The following N4BP2 variants were observed in gnomAD, a reference collection of about 807,000 sequenced individuals.
N4BP2 encodes NEDD4 binding protein 2.
In N4BP2, 91 loss-of-function variants were observed where a neutral mutation model predicts 152.8. The ratio of observed to expected loss-of-function variants is 0.60; its 90% CI spans 0.50 to 0.71. N4BP2 has a LOEUF of 0.71. Ranked by LOEUF, N4BP2 falls within the 30% of genes least tolerant of loss-of-function variation. The pLI, the probability that N4BP2 is intolerant of heterozygous loss-of-function variation, is 0.00. For synonymous variants in N4BP2, 646 were observed against 705.3 expected (o/e 0.92, Z 1.33); for missense variants, 1,923 against 2,059.1 (o/e 0.93, Z 1.28).
intron 2 of N4BP2, among the ~76,000 whole-genome samples, chr4:40,083,986 TCTCA>T (rs1560578878): frequency 6.6e-6 from 1 of 152,194 alleles, no homozygotes; most frequent in Non-Finnish European, 1.5e-5. Flanking sequence ...TCAGACGGGG[TCTCA>T]CTCTGTCACC....
chr4:40,123,041 G>A, intron 9 of N4BP2, 86 bp from the exon 10 acceptor site: 1 of 741,976 alleles, frequency 1.3e-6, no homozygotes, highest in South Asian at 1.7e-5. Context: ...AGTTAGTTTT[G>A]TGATGCATAA....
At chr4:40,127,408 T>C (rs1718507852) in intron 12 of N4BP2, among the ~76,000 whole-genome samples, 1 of 151,606 alleles carries the variant, frequency 6.6e-6, no homozygotes, top group Non-Finnish European at 1.5e-5. Context: ...AGAGATGGGG[T>C]CTTGCCATGT....
Position 40,121,318 on chromosome 4 carries a change from A to G in N4BP2, c.3207A>G (p.Arg1069=). 1 of 1,614,010 alleles carries G rather than the reference A, an allele frequency of 6.2e-7. No homozygotes were observed. The highest frequency in any genetic ancestry group is 1.1e-5 in the South Asian group (1 of 91,066). ...ACGTTCAAGAAGCAATTCCATATAG[A>G]GTAATGTATGATAAAAGCACGTTTG... ...KSDVQEAIPY[R]VMYDKSTFVE... The change falls in exon 9 of 18, where the codon AGA becomes AGG. Residue 1069 remains arginine (R), a synonymous_variant. Coordinates refer to ENST00000261435, the MANE Select transcript of N4BP2 (RefSeq NM_018177.6).
intron 2 of N4BP2, among the ~76,000 whole-genome samples, chr4:40,077,143 A>ATGTGTG (rs555295024): frequency 6.6e-6 from 1 of 150,778 alleles, no homozygotes; most frequent in African/African-American, 2.4e-5. Context: ...TAGAATATAT[A>ATGTGTG]TGTGTGTGTG....
intron 16 of N4BP2, among the ~76,000 whole-genome samples, chr4:40,146,944 G>C (rs1720589043): frequency 7.2e-6 from 1 of 138,136 alleles, no homozygotes; most frequent in South Asian, 2.3e-4. Context: ...GATCATTCTT[G>C]GGTGTTTCTC....
rs781730465 is a variant in N4BP2, at chr4:40,113,463, G to A, written c.1619G>A (p.Arg540Gln). 3.7e-6 allele frequency: 6 copies of A among 1,612,366 alleles called. No individual in the cohort carries two copies. The highest frequency in any genetic ancestry group is 1.7e-5 in the Admixed American group (1 of 59,852). The change falls in exon 7 of 18, where the codon CGG becomes CAG. Residue 540 changes from arginine (R) to glutamine (Q), a missense_variant. By Grantham distance (43) the Arg-to-Gln change is conservative. Transcript: ENST00000261435. Reference protein sequence around the residue: ...SQKHKYKVLFREPDTWWKFKP... With the variant: ...SQKHKYKVLFQEPDTWWKFKP... Reference sequence around the variant, plus strand: ...AAACACAAATATAAAGTCCTTTTTCGGGAACCAGACACATGGTGGAAGTTT... The same window carrying A: ...AAACACAAATATAAAGTCCTTTTTCAGGAACCAGACACATGGTGGAAGTTT...
At chr4:40,128,536 T>C (rs1015582657) in intron 12 of N4BP2, among the ~76,000 whole-genome samples, 4 of 132,594 alleles carry the variant, frequency 3.0e-5, no homozygotes, top group African/African-American at 1.1e-4. Context: ...CTTTCTTCTT[T>C]CTGTTTTTTT....
At chr4:40,164,919 T>C in the N4BP2 span, among the ~76,000 whole-genome samples, 5 of 152,154 alleles carry the variant, frequency 3.3e-5, no homozygotes, top group African/African-American at 1.2e-4. Context: ...CTCTGAAGAC[T>C]CTGGTGATCT....
chr4:40,186,141 T>G, the N4BP2 span, among the ~76,000 whole-genome samples: 15 of 152,236 alleles, frequency 9.9e-5, no homozygotes, highest in African/African-American at 3.4e-4. Flanking sequence ...AATCCCTTGT[T>G]TTTGGAGTCT....
At chr4:40,168,148 A>G in the N4BP2 span, among the ~76,000 whole-genome samples, 1 of 152,198 alleles carries the variant, frequency 6.6e-6, no homozygotes, top group Non-Finnish European at 1.5e-5. Flanking sequence ...ACCAGTATAT[A>G]TAAAGAAAAG....
downstream of N4BP2, among the ~76,000 whole-genome samples, chr4:40,158,526 G>A (rs867023361): frequency 2.6e-5 from 4 of 152,052 alleles, no homozygotes; most frequent in Non-Finnish European, 5.9e-5. Context: ...GGCCAGACGC[G>A]GTGGCTTATG....
chr4:40,116,545 C>T (rs1486977654), intron 7 of N4BP2, among the ~76,000 whole-genome samples: 1 of 152,162 alleles, frequency 6.6e-6, no homozygotes, highest in Non-Finnish European at 1.5e-5. Flanking sequence ...CTTTCCTCCT[C>T]ACGCATACGA....
chr4:40,146,913 T>A (rs1385707184), intron 16 of N4BP2, among the ~76,000 whole-genome samples: 1 of 151,388 alleles, frequency 6.6e-6, no homozygotes, highest in East Asian at 1.9e-4. Flanking sequence ...TTTTTATTTT[T>A]ATTTTTTTAT....
chr4:40,071,023 C>T (rs1450557490), intron 1 of N4BP2, among the ~76,000 whole-genome samples: 1 of 151,934 alleles, frequency 6.6e-6, no homozygotes, highest in Admixed American at 6.6e-5. Flanking sequence ...CGGGGTTTCA[C>T]CATGTTGGCC....
At chr4:40,141,325 T>G (rs996826426) in intron 14 of N4BP2, among the ~76,000 whole-genome samples, 5 of 148,728 alleles carry the variant, frequency 3.4e-5, no homozygotes, top group Non-Finnish European at 7.5e-5. Context: ...TCCTCACTTG[T>G]CAGACGGGGC....
the N4BP2 span, among the ~76,000 whole-genome samples, chr4:40,174,276 C>T: frequency 6.6e-6 from 1 of 152,040 alleles, no homozygotes; most frequent in Non-Finnish European, 1.5e-5. Flanking sequence ...GCTTGGGAGG[C>T]TGAGGCAGGA....
Position 40,102,674 on chromosome 4 carries a change from G to T in N4BP2, c.829G>T (p.Ala277Ser). 6.2e-7 allele frequency: 1 copy of T among 1,614,166 alleles called. No individual in the cohort carries two copies. Among genetic ancestry groups the T allele is most frequent in the Non-Finnish European group, 8.5e-7 (1 of 1,180,044 alleles). ...ACTTTTAGAATCTGAGTGCGTTGAGGCTCAATTCTCTGAAGCTCCTGTAGA... is the reference window on the plus strand; with the variant it reads ...ACTTTTAGAATCTGAGTGCGTTGAGTCTCAATTCTCTGAAGCTCCTGTAGA... Reference protein sequence around the residue: ...KELLESECVEAQFSEAPVDLD... With the variant: ...KELLESECVESQFSEAPVDLD... The change falls in exon 4 of 18, where the codon GCT (alanine) becomes TCT (serine). Residue 277 changes from alanine (A) to serine (S), a missense_variant. Ala to Ser is a moderately conservative substitution (Grantham distance 99, BLOSUM62 1). Coordinates refer to ENST00000261435, the MANE Select transcript of N4BP2 (RefSeq NM_018177.6).
chr4:40,184,220 A>C, the N4BP2 span, among the ~76,000 whole-genome samples: 1 of 152,166 alleles, frequency 6.6e-6, no homozygotes. Flanking sequence ...GACAAAGAAA[A>C]CCACAAAAAT....
intron 14 of N4BP2, chr4:40,142,248 C>A: frequency 3.3e-6 from 1 of 301,172 alleles, no homozygotes; most frequent in Non-Finnish European, 6.6e-6. Flanking sequence ...CTCAGACCAC[C>A]AATGAACAGT....
Sources: allele counts gnomAD v4.1 joint callset (sites outside exome capture counted in the v4.1 genomes callset), GRCh38; gene constraint gnomAD v4.1.1; transcripts MANE v1.5; gene names NCBI Gene and HGNC (gene_info 2026-07-23, HGNC 2026-07-21).